ZNF148: variants seen among roughly 807,000 people sequenced by gnomAD.
The protein encoded by ZNF148 is zinc finger protein 148.
Under a neutral mutation model 67.7 loss-of-function variants are expected in ZNF148, and 7 were observed. The observed-to-expected ratio is 0.10, with a 90% confidence interval of 0.06 to 0.19. The LOEUF (loss-of-function observed/expected upper bound fraction) is 0.19, where lower values mean the gene tolerates loss of function less well. Among genes scored for constraint, ZNF148 ranks in the 10% least tolerant of loss-of-function variants. ZNF148 has a pLI of 1.00. For synonymous variants in ZNF148, 333 were observed against 330.7 expected, an observed-to-expected ratio of 1.01 and a Z score of -0.08; for missense variants, 583 against 947.1, an observed-to-expected ratio of 0.62 and a Z score of 5.05.
At chr3:125,271,781 G>C (rs1937752222) in intron 7 of ZNF148, among the ~76,000 whole-genome samples, 1 of 152,104 alleles carries the variant, frequency 6.6e-6, no homozygotes. Flanking sequence ...GAATTCTTAG[G>C]AATTGCTAGG....
At chr3:125,297,621 TA>T (rs1360063383) in intron 4 of ZNF148, among the ~76,000 whole-genome samples, 1 of 151,180 alleles carries the variant, frequency 6.6e-6, no homozygotes, top group Non-Finnish European at 1.5e-5. Context: ...TAAAAAATAA[TA>T]TTTAAATTGT....
rs1008283052 is a variant in ZNF148, at chr3:125,303,238, T to C, written c.333+10070A>G. 6.6e-5 allele frequency among the ~76,000 whole-genome samples: 10 copies of C among 152,278 alleles called. No homozygotes were observed. In the East Asian group the frequency reaches 1.2e-3, roughly 18 times the overall value. ...GGAAGGAAGAGAAGAGGTGTGACTA[T>C]AGGGGGTAGCACCAGAGAGATCTTT... On this transcript the variant is annotated intron_variant, in intron 4 of 8. Coordinates refer to ENST00000360647, the MANE Select transcript of ZNF148 (RefSeq NM_021964.3).
chr3:125,272,397 T>A (rs946752882), intron 7 of ZNF148, among the ~76,000 whole-genome samples: 5 of 152,198 alleles, frequency 3.3e-5, no homozygotes, highest in African/African-American at 1.2e-4. Context: ...TGCTATGAAC[T>A]AACAAAAACA....
At chr3:125,252,602 T>C (rs892169919) in intron 7 of ZNF148, among the ~76,000 whole-genome samples, 1 of 151,938 alleles carries the variant, frequency 6.6e-6, no homozygotes, top group African/African-American at 2.4e-5. Context: ...ACCCCATCTC[T>C]ACTAAAAATA....
At chr3:125,313,724 T>C in intron 3 of ZNF148, 68 bp from the exon 4 acceptor site, 5 of 1,261,942 alleles carry the variant, frequency 4.0e-6, no homozygotes, top group Non-Finnish European at 5.5e-6. Flanking sequence ...TTTTAAATTT[T>C]CAAATTAAGA....
intron 7 of ZNF148, among the ~76,000 whole-genome samples, chr3:125,259,200 C>T (rs538754346): frequency 5.4e-4 from 82 of 152,096 alleles, no homozygotes; most frequent in African/African-American, 1.8e-3. Flanking sequence ...TTTTTAAATG[C>T]GTAAAATAGC....
At chr3:125,352,805 A>C (rs968162035) in intron 1 of ZNF148, among the ~76,000 whole-genome samples, 3 of 152,212 alleles carry the variant, frequency 2.0e-5, no homozygotes, top group Non-Finnish European at 2.9e-5. Flanking sequence ...CAGAAGAGCT[A>C]AAACAATCTT....
At chr3:125,291,810 G>A (rs950259369) in intron 4 of ZNF148, among the ~76,000 whole-genome samples, 9 of 152,082 alleles carry the variant, frequency 5.9e-5, no homozygotes, top group African/African-American at 1.7e-4. Context: ...GTTGTTCTGA[G>A]AGTAAAAGTA....
chr3:125,253,591 TA>T (rs1443724879), intron 7 of ZNF148, among the ~76,000 whole-genome samples: 4 of 152,192 alleles, frequency 2.6e-5, no homozygotes, highest in African/African-American at 9.6e-5. Context: ...CATAGTCAGA[TA>T]AAATAAGTCC....
chr3:125,344,996 G>C (rs1055351772), intron 1 of ZNF148, among the ~76,000 whole-genome samples: 6 of 152,100 alleles, frequency 3.9e-5, no homozygotes, highest in African/African-American at 1.4e-4. Context: ...AAAAGCACAA[G>C]AATGGAAAGA....
At chr3:125,370,417 T>C (rs1177130192) in intron 1 of ZNF148, among the ~76,000 whole-genome samples, 1 of 152,200 alleles carries the variant, frequency 6.6e-6, no homozygotes, top group African/African-American at 2.4e-5. Flanking sequence ...TATCAGTCAT[T>C]CAACAGGTAT....
At chr3:125,348,865 T>C (rs776075658) in intron 1 of ZNF148, among the ~76,000 whole-genome samples, 4 of 152,212 alleles carry the variant, frequency 2.6e-5, no homozygotes, top group Non-Finnish European at 2.9e-5. Flanking sequence ...TAAAACAGTA[T>C]GGTACTGGCA....
At position 125,329,752 on chromosome 3, in the gene ZNF148, T is replaced by C. The variant is rs149271307; in HGVS notation, c.-153+1406A>G. 1.5e-4 allele frequency among the ~76,000 whole-genome samples: 22 copies of C among 151,506 alleles called. No individual in the cohort carries two copies. The East Asian group carries it at 4.1e-3, about 28-fold the overall frequency. On this transcript the variant is annotated intron_variant, in intron 2 of 8. Coordinates refer to ENST00000360647, the MANE Select transcript of ZNF148 (RefSeq NM_021964.3). ...AAAAAAAAGCCTAAATATCCATAAGTAGATGACTAATTAGACAAATTATGA... is the reference window on the plus strand; with the variant it reads ...AAAAAAAAGCCTAAATATCCATAAGCAGATGACTAATTAGACAAATTATGA...
In ZNF148 at chr3:125,232,417, G is replaced by C; in HGVS notation, c.2309C>G (p.Pro770Arg). 6.2e-7 allele frequency: 1 copy of C among 1,613,362 alleles called. No homozygotes were observed. The highest frequency in any genetic ancestry group is 1.3e-5 in the African/African-American group (1 of 74,936). The change falls in exon 9 of 9, where the codon CCC (proline) becomes CGC (arginine). Residue 770 changes from proline (P) to arginine (R), a missense_variant. Coordinates refer to ENST00000360647, the MANE Select transcript of ZNF148 (RefSeq NM_021964.3). The surrounding 1 kb of genome is among the most constrained non-coding windows in gnomAD (Gnocchi z 4.2). ...PGTSAEFSEF[P>R]LVNVNDNRAG... The stretch of plus-strand genomic sequence containing the variant: ...TCTATTATCATTTACATTCACCAAG[G>C]GAAATTCTGAAAATTCAGCACTTGT...
Position 125,245,913 on chromosome 3 carries a change from G to A in ZNF148, c.668-11584C>T, listed in dbSNP as rs527422100. On this transcript the variant is annotated intron_variant, in intron 7 of 8. Coordinates refer to ENST00000360647, the MANE Select transcript of ZNF148 (RefSeq NM_021964.3). Reference sequence around the variant, plus strand: ...GTTCTAAGAATAAAAATTAAAACAGGGTCCTCTATTCTTCTGGCCCCTACC... The same window carrying A: ...GTTCTAAGAATAAAAATTAAAACAGAGTCCTCTATTCTTCTGGCCCCTACC... Among the ~76,000 whole-genome samples the A allele has an allele frequency of 3.3e-5, 5 of 152,200 alleles. No individual in the cohort carries two copies. The East Asian group carries it at 7.7e-4, about 23-fold the overall frequency.
chr3:125,327,481 C>T (rs1462741765), intron 2 of ZNF148, among the ~76,000 whole-genome samples: 2 of 152,150 alleles, frequency 1.3e-5, no homozygotes, highest in African/African-American at 4.8e-5. Context: ...ACACGCGGGG[C>T]CATAAAATAA....
chr3:125,255,625 A>G (rs953636897), intron 7 of ZNF148, among the ~76,000 whole-genome samples: 2 of 151,768 alleles, frequency 1.3e-5, no homozygotes, highest in Admixed American at 6.6e-5. Context: ...TTTTAGTGTG[A>G]GACTGCTGGG....
At chr3:125,241,419 C>A (rs1304424841) in intron 7 of ZNF148, among the ~76,000 whole-genome samples, 1 of 151,472 alleles carries the variant, frequency 6.6e-6, no homozygotes, top group African/African-American at 2.4e-5. Flanking sequence ...GCTGGGATTA[C>A]AGGCATGCAC....
intron 7 of ZNF148, among the ~76,000 whole-genome samples, chr3:125,257,581 A>G (rs1011025019): frequency 2.0e-5 from 3 of 149,342 alleles, no homozygotes; most frequent in African/African-American, 7.4e-5. Context: ...AAAAAAAAAA[A>G]GTTCACCCTT....
Sources: allele counts gnomAD v4.1 joint callset (sites outside exome capture counted in the v4.1 genomes callset), GRCh38; gene constraint gnomAD v4.1.1; non-coding constraint Gnocchi (gnomAD v3.1); transcripts MANE v1.5; gene names NCBI Gene and HGNC (gene_info 2026-07-23, HGNC 2026-07-21).